Variants in CCDC82 observed in about 807,000 individuals in gnomAD.
The protein encoded by CCDC82 is coiled-coil domain-containing protein 82.
Under a neutral mutation model 60.6 loss-of-function variants are expected in CCDC82, and 47 were observed. That is an observed-to-expected ratio of 0.77 (90% CI 0.61 to 0.99). The LOEUF is 0.99. Among genes scored for constraint, CCDC82 ranks in the 50% least tolerant of loss-of-function variants. The pLI, the probability that CCDC82 is intolerant of heterozygous loss-of-function variation, is 0.00. For synonymous variants in CCDC82, 212 were observed against 207.4 expected (o/e 1.02, Z -0.19); for missense variants, 588 against 633.0 (o/e 0.93, Z 0.76).
chr11:96,382,532 T>C (rs1326383381), intron 5 of CCDC82: 2 of 151,832 alleles, frequency 1.3e-5, no homozygotes, highest in Non-Finnish European at 3.0e-5. Flanking sequence ...TCCAAATGAC[T>C]GATGCATTTT....
chr11:96,373,335 G>C, intron 6 of CCDC82, 40 bp downstream of exon 6: 1 of 1,294,444 alleles, frequency 7.7e-7, no homozygotes, highest in Non-Finnish European at 1.1e-6. Flanking sequence ...ATTGGAAAAA[G>C]AAATAAAAAC....
At chr11:96,371,843 C>CT (rs1159510124) in intron 6 of CCDC82, among the ~76,000 whole-genome samples, 1 of 152,180 alleles carries the variant, frequency 6.6e-6, no homozygotes, top group Non-Finnish European at 1.5e-5. Flanking sequence ...CCTCATTCTT[C>CT]TTTAGCATGC....
chr11:96,366,128 G>A (rs972670815), intron 7 of CCDC82, among the ~76,000 whole-genome samples: 115 of 152,114 alleles, frequency 7.6e-4, no homozygotes, highest in African/African-American at 2.6e-3. Context: ...TATACCCCAT[G>A]GAAGCACATG....
chr11:96,387,225 A>C (rs1425063878), intron 2 of CCDC82: 1 of 152,238 alleles, frequency 6.6e-6, no homozygotes, highest in Non-Finnish European at 1.5e-5. Flanking sequence ...ATTAAAGTTA[A>C]CGATGATTTT....
chr11:96,365,157 AC>A lies in CCDC82; in HGVS notation c.1210-8del. 1 of 1,514,538 alleles carries A rather than the reference AC, an allele frequency of 6.6e-7. No homozygotes were observed. Among genetic ancestry groups the A allele is most frequent in the Middle Eastern group, 1.8e-4 (1 of 5,680 alleles). The allele number at this position is 1,514,538 out of a possible 1,614,324, so 93.8% of individuals were successfully genotyped here. On this transcript the variant is annotated splice_region_variant and splice_polypyrimidine_tract_variant and intron_variant, in intron 7 of 9. Transcript: ENST00000646818. ...AATAATTTTCTACTCGCTCCTGAAA[AC>A]AAAAAATATAAAAAAAAGTTTAAAA... is the stretch of plus-strand genomic sequence containing the variant.
At chr11:96,367,091 T>C (rs997999884) in intron 7 of CCDC82, among the ~76,000 whole-genome samples, 1 of 152,248 alleles carries the variant, frequency 6.6e-6, no homozygotes, top group African/African-American at 2.4e-5. Flanking sequence ...TTTTTGCTGA[T>C]AGAGGGTCTT....
chr11:96,357,724 G>C, intron 9 of CCDC82: 1 of 985,214 alleles, frequency 1.0e-6, no homozygotes. Flanking sequence ...TAGAGGGTTG[G>C]CAACACTTAA....
At chr11:96,370,396 C>A (rs1424261084) in intron 7 of CCDC82, among the ~76,000 whole-genome samples, 1 of 152,080 alleles carries the variant, frequency 6.6e-6, no homozygotes, top group Non-Finnish European at 1.5e-5. Context: ...CAAAATGTGG[C>A]AAATCTTATA....
At chr11:96,366,747 C>T (rs1864970770) in intron 7 of CCDC82, among the ~76,000 whole-genome samples, 1 of 152,132 alleles carries the variant, frequency 6.6e-6, no homozygotes, top group Non-Finnish European at 1.5e-5. Flanking sequence ...GTGTCTTCCT[C>T]ATGGGGTTAC....
chr11:96,357,553 G>C, intron 9 of CCDC82: 1 of 985,194 alleles, frequency 1.0e-6, no homozygotes, highest in Non-Finnish European at 1.2e-6. Context: ...GCTTTTTCTA[G>C]GATACATGAT....
intron 7 of CCDC82, among the ~76,000 whole-genome samples, chr11:96,368,567 TA>T (rs143797083): frequency 1.3e-5 from 2 of 152,234 alleles, no homozygotes; most frequent in East Asian, 3.9e-4. Flanking sequence ...TTTTTAGCTA[TA>T]AAAGTCCTAG....
intron 7 of CCDC82, among the ~76,000 whole-genome samples, chr11:96,369,368 C>T (rs1024711618): frequency 6.6e-6 from 1 of 152,210 alleles, no homozygotes; most frequent in Admixed American, 6.5e-5. Flanking sequence ...ACATGCTTTC[C>T]TCAAAAAGCT....
rs1866037964 is a variant in CCDC82, at chr11:96,384,067, A to T, written c.681T>A (p.Thr227=). 1 of 1,613,654 alleles carries T rather than the reference A, an allele frequency of 6.2e-7. No homozygotes were observed. The highest frequency in any genetic ancestry group is 1.7e-4 in the Middle Eastern group (1 of 6,060). The change falls in exon 4 of 10, where the codon ACT becomes ACA. Residue 227 remains threonine, a synonymous_variant. Transcript: ENST00000646818. ...TTTGTGCAGCTAATGTTTTTTCAGG[A>T]GTCTTTTGCTCCATTTCCACTGAAG... ...EGSSVEMEQK[T]PEKTLAAQKR...
chr11:96,353,979 TATC>T (rs969446319), intron 9 of CCDC82: 11 of 266,930 alleles, frequency 4.1e-5, no homozygotes, highest in South Asian at 7.2e-5. Flanking sequence ...ATTTTTATAT[TATC>T]ATGATTACAG....
chr11:96,370,693 C>T (rs924437423), intron 7 of CCDC82, among the ~76,000 whole-genome samples: 6 of 152,204 alleles, frequency 3.9e-5, no homozygotes, highest in Non-Finnish European at 7.3e-5. Context: ...ACCCCTGATT[C>T]TCAAATTTCT....
rs539083605 is a variant in CCDC82 at position 96,375,254 on chromosome 11, T to C, written c.992-1787A>G. Among the ~76,000 whole-genome samples, 16 of 152,306 alleles carry C rather than the reference T, an allele frequency of 1.1e-4. 1 individual carries two copies. In the South Asian group the frequency reaches 2.5e-3, roughly 24 times the overall value. On this transcript the variant is annotated intron_variant, in intron 5 of 9. Coordinates refer to ENST00000646818, the MANE Select transcript of CCDC82 (RefSeq NM_024725.4). The stretch of plus-strand genomic sequence containing the variant: ...CTGAAGGTATCATTCTTGAATGTCC[T>C]TATGCCCAGTGCTACTCATTTGCTA...
chr11:96,383,851 A>G, intron 4 of CCDC82, 111 bp downstream of exon 4: 4 of 982,470 alleles, frequency 4.1e-6, no homozygotes, highest in Middle Eastern at 3.3e-4. Context: ...ATTAAAAAAT[A>G]AATTCTAGAA....
intron 8 of CCDC82, among the ~76,000 whole-genome samples, chr11:96,362,055 A>G (rs996478591): frequency 6.6e-6 from 1 of 152,184 alleles, no homozygotes; most frequent in Non-Finnish European, 1.5e-5. Context: ...TAAAAATTGG[A>G]AATGGAGCTA....
intron 9 of CCDC82, chr11:96,358,125 T>C: frequency 1.0e-6 from 1 of 985,954 alleles, no homozygotes; most frequent in East Asian, 1.1e-4. Flanking sequence ...ATTCCTCTTT[T>C]ACAAATTTCC....
Sources: gnomAD v4.1 joint callset for allele counts (sites outside exome capture counted in the v4.1 genomes callset) on GRCh38, gnomAD v4.1.1 for gene constraint, MANE v1.5 for transcripts, NCBI Gene and HGNC (gene_info 2026-07-23, HGNC 2026-07-21) for gene names.